Variants in OTOGL observed in about 807,000 individuals in gnomAD.
OTOGL encodes the protein otogelin like, also known as otogelin-like protein.
In OTOGL, 285 loss-of-function variants were observed where a neutral mutation model predicts 318.5. That is an observed-to-expected ratio of 0.89 (90% CI 0.81 to 0.99). The LOEUF is 0.99. Ranked by LOEUF, OTOGL falls within the 50% of genes least tolerant of loss-of-function variation. OTOGL has a pLI of 0.00. For missense variants in OTOGL, 2,899 were observed against 2,845.6 expected, an observed-to-expected ratio of 1.02 and a Z score of -0.43; for synonymous variants, 987 against 936.5, an observed-to-expected ratio of 1.05 and a Z score of -0.99.
rs542747369 is a variant in OTOGL at position 80,178,135 on chromosome 12, G to A, written c.-19-31278G>A. Among the ~76,000 whole-genome samples the A allele has an allele frequency of 6.0e-5, 8 of 133,348 alleles. No homozygotes were observed. The South Asian group carries it at 7.7e-4, about 13-fold the overall frequency. 87.5% of individuals were successfully genotyped at this position (133,348 alleles called of 152,430 possible). A position where few individuals can be genotyped will look rare whatever the true frequency, so the allele number is the denominator to read the frequency against. Reference sequence around the variant, plus strand: ...GAGTGCAGTGGTGTGATCTCGGCTCGCTGCAGCCTCTGCCTCCTGGGTTCA... The same window carrying A: ...GAGTGCAGTGGTGTGATCTCGGCTCACTGCAGCCTCTGCCTCCTGGGTTCA... On this transcript the variant is annotated intron_variant, in intron 1 of 58. Coordinates refer to ENST00000547103, the MANE Select transcript of OTOGL (RefSeq NM_001378609.3).
At chr12:80,128,983 C>T (rs1177083380) in intron 1 of OTOGL, among the ~76,000 whole-genome samples, 7 of 152,226 alleles carry the variant, frequency 4.6e-5, no homozygotes, top group Admixed American at 3.9e-4. Context: ...ACCCCTTGTG[C>T]TTCCTGGGTG....
intron 23 of OTOGL, among the ~76,000 whole-genome samples, chr12:80,270,391 G>A (rs578084854): frequency 3.1e-4 from 47 of 152,258 alleles, no homozygotes; most frequent in African/African-American, 1.1e-3. Context: ...GGTCAACCCA[G>A]GGATGCTGCC....
intron 1 of OTOGL, among the ~76,000 whole-genome samples, chr12:80,205,343 C>T (rs1025185497): frequency 1.3e-5 from 2 of 152,156 alleles, no homozygotes; most frequent in African/African-American, 4.8e-5. Context: ...TATTACAAAT[C>T]AACGGCATCA....
In OTOGL at chr12:80,305,719, G is replaced by A. The variant is rs778532012; in HGVS notation, c.3333+24G>A. On this transcript the variant is annotated intron_variant, in intron 29 of 58. Coordinates refer to ENST00000547103, the MANE Select transcript of OTOGL (RefSeq NM_001378609.3). ...AGGTAAGTTACATAAATGTATTTTAGAAGTCAACAAAAATTTTTAAGAATA... is the reference window on the plus strand; with the variant it reads ...AGGTAAGTTACATAAATGTATTTTAAAAGTCAACAAAAATTTTTAAGAATA... 7.5e-6 allele frequency: 11 copies of A among 1,464,644 alleles called. No individual in the cohort carries two copies. In the Admixed American group the frequency reaches 2.6e-4, roughly 34 times the overall value. 90.7% of individuals were successfully genotyped at this position (1,464,644 alleles called of 1,614,324 possible).
intron 1 of OTOGL, among the ~76,000 whole-genome samples, chr12:80,176,494 G>T (rs1228543117): frequency 6.6e-6 from 1 of 151,990 alleles, no homozygotes; most frequent in Admixed American, 6.6e-5. Flanking sequence ...TTATAAAAAT[G>T]GAATATATAC....
At chr12:80,293,685 A>G (rs1448601103) in intron 26 of OTOGL, among the ~76,000 whole-genome samples, 1 of 147,942 alleles carries the variant, frequency 6.8e-6, no homozygotes, top group Non-Finnish European at 1.5e-5. Flanking sequence ...GTCAGCTCCT[A>G]CTCTTCCTTA....
At chr12:80,125,298 T>A (rs929916255) in intron 1 of OTOGL, among the ~76,000 whole-genome samples, 3 of 152,272 alleles carry the variant, frequency 2.0e-5, no homozygotes, top group African/African-American at 7.2e-5. Flanking sequence ...GAGATAATCA[T>A]GTGGCTTTTG....
chr12:80,352,205 C>G, intron 44 of OTOGL, 90 bp from the exon 45 acceptor site: 1 of 1,175,258 alleles, frequency 8.5e-7, no homozygotes, highest in Non-Finnish European at 1.2e-6. Flanking sequence ...AACTTGCTAC[C>G]CTTTGATTCT....
At chr12:80,339,941 T>C (rs1056364386) in intron 43 of OTOGL, among the ~76,000 whole-genome samples, 1 of 152,176 alleles carries the variant, frequency 6.6e-6, no homozygotes, top group Non-Finnish European at 1.5e-5. Flanking sequence ...TGCTAGAAAT[T>C]TGAACACAGG....
intron 1 of OTOGL, among the ~76,000 whole-genome samples, chr12:80,200,664 A>G (rs569346739): frequency 6.6e-6 from 1 of 152,300 alleles, no homozygotes; most frequent in South Asian, 2.1e-4. Flanking sequence ...ATGCACAAAA[A>G]CACTGAGCAA....
intron 1 of OTOGL, among the ~76,000 whole-genome samples, chr12:80,199,904 CA>C (rs1876339931): frequency 6.6e-6 from 1 of 152,156 alleles, no homozygotes; most frequent in Non-Finnish European, 1.5e-5. Flanking sequence ...CAAGTCCATA[CA>C]AATTAGTTGA....
intron 1 of OTOGL, among the ~76,000 whole-genome samples, chr12:80,146,414 G>C (rs1200244302): frequency 1.3e-5 from 2 of 151,176 alleles, no homozygotes; most frequent in Admixed American, 6.6e-5. Context: ...AAGCCCTCTT[G>C]ATCATGGTGG....
At chr12:80,206,411 G>T (rs977546184) in intron 1 of OTOGL, among the ~76,000 whole-genome samples, 12 of 152,152 alleles carry the variant, frequency 7.9e-5, no homozygotes, top group African/African-American at 2.2e-4. Context: ...TTCCTACTAT[G>T]AGCCTGGATG....
rs1889682500 is a variant in OTOGL at position 80,353,433 on chromosome 12, G to A, written c.5516G>A (p.Arg1839Lys). Residue 1839 changes from arginine to lysine, a missense_variant, in exon 46 of 59, where the codon AGA (arginine) becomes AAA (lysine). By Grantham distance (26) the Arg-to-Lys change is conservative. Coordinates refer to ENST00000547103, the MANE Select transcript of OTOGL (RefSeq NM_001378609.3). The stretch of plus-strand genomic sequence containing the variant: ...GGACACACTTCCTGTTTGAATCTAA[G>A]AGAAGACTGTGTGTGCAAAGTTGGA... ...FYGHTSCLNL[R>K]EDCVCKVGTI... is the part of the protein sequence containing the mutation. 1.2e-6 allele frequency: 2 copies of A among 1,603,954 alleles called. No homozygotes were observed. The highest frequency in any genetic ancestry group is 1.3e-5 in the African/African-American group (1 of 74,828).
At chr12:80,196,394 G>T (rs1186684763) in intron 1 of OTOGL, among the ~76,000 whole-genome samples, 2 of 152,110 alleles carry the variant, frequency 1.3e-5, no homozygotes, top group Admixed American at 6.5e-5. Flanking sequence ...ATTTATTAAC[G>T]CTACACTAAG....
At chr12:80,297,181 C>T (rs36097665) in intron 27 of OTOGL, among the ~76,000 whole-genome samples, 1 of 152,176 alleles carries the variant, frequency 6.6e-6, no homozygotes, top group Non-Finnish European at 1.5e-5. Flanking sequence ...GCTTTCATTC[C>T]CATAGTTGCC....
chr12:80,345,045 ATTATATG>A (rs1332891430), intron 44 of OTOGL, among the ~76,000 whole-genome samples: 11 of 126,404 alleles, frequency 8.7e-5, no homozygotes, highest in African/African-American at 3.2e-4. Flanking sequence ...AACATATATT[ATTATATG>A]TTATATTTTA....
chr12:80,139,693 A>C (rs1212193054), intron 1 of OTOGL, among the ~76,000 whole-genome samples: 1 of 152,150 alleles, frequency 6.6e-6, no homozygotes, highest in Non-Finnish European at 1.5e-5. Context: ...TTGAATTCCC[A>C]CTGTGCTTAT....
intron 47 of OTOGL, 107 bp downstream of exon 47, chr12:80,356,055 T>C (rs1889880553): frequency 8.1e-7 from 1 of 1,240,012 alleles, no homozygotes; most frequent in African/African-American, 1.5e-5. Context: ...AAAAGGGCCA[T>C]AAATGTCATT....
Sources: gnomAD v4.1 joint callset for allele counts (sites outside exome capture counted in the v4.1 genomes callset) on GRCh38, gnomAD v4.1.1 for gene constraint, MANE v1.5 for transcripts, NCBI Gene and HGNC (gene_info 2026-07-23, HGNC 2026-07-21) for gene names.